Variants in SHC2 observed in about 807,000 individuals in gnomAD.
The protein encoded by SHC2 is SHC adaptor protein 2, also known as SHC-transforming protein 2.
Under a neutral mutation model 60.6 loss-of-function variants are expected in SHC2, and 62 were observed. The observed-to-expected ratio is 1.02, with a 90% confidence interval of 0.83 to 1.26. The LOEUF (loss-of-function observed/expected upper bound fraction) is 1.26. Ranked by LOEUF, SHC2 falls within the 50% of genes most tolerant of loss-of-function variation. The probability of loss-of-function intolerance (pLI) is 0.00; values close to 1 mark genes in which losing one functional copy is unlikely to be tolerated. For synonymous variants in SHC2, 375 were observed against 372.4 expected (o/e 1.01, Z -0.08); for missense variants, 873 against 822.2 (o/e 1.06, Z -0.76).
rs1974306079 is a variant in SHC2, at chr19:422,540, C to T, written c.1310-84G>A. On this transcript the variant is annotated intron_variant, in intron 10 of 12. Coordinates refer to ENST00000264554, the MANE Select transcript of SHC2 (RefSeq NM_012435.3). The surrounding 1 kb of genome is among the most constrained non-coding windows in gnomAD (Gnocchi z 5.0). The stretch of plus-strand genomic sequence containing the variant: ...GACCAGAGCTGGGAGAAACGGGTTC[C>T]CCGGGGAGTCCCTCGTGCACCCGTC... 1.1e-5 allele frequency: 13 copies of T among 1,178,896 alleles called. No homozygotes were observed. Among genetic ancestry groups the T allele is most frequent in the Non-Finnish European group, 1.5e-5 (13 of 854,394 alleles). The allele number at this position is 1,178,896 out of a possible 1,614,324, so 73.0% of individuals were successfully genotyped here.
Position 422,285 on chromosome 19 carries a change from C to G in SHC2, c.1481G>C (p.Arg494Pro). Residue 494 changes from arginine (R) to proline (P), a missense_variant, in exon 11 of 13, where the codon CGC becomes CCC. Coordinates refer to ENST00000264554, the MANE Select transcript of SHC2 (RefSeq NM_012435.3). This position sits in a 1 kb window ranked among gnomAD's most constrained non-coding sequence, Gnocchi z 5.0. ...QEPWYHGRMS[R>P]RAAERMLRAD... Reference sequence around the variant, plus strand: ...TCGAAGCATCCTCTCTGCCGCCCGGCGGCTCATCCGGCCGTGGTACCAGGG... The same window carrying G: ...TCGAAGCATCCTCTCTGCCGCCCGGGGGCTCATCCGGCCGTGGTACCAGGG... 6.2e-7 allele frequency: 1 copy of G among 1,612,210 alleles called. No individual in the cohort carries two copies. Among genetic ancestry groups the G allele is most frequent in the Non-Finnish European group, 8.5e-7 (1 of 1,179,602 alleles).
In SHC2 at chr19:440,121, G is replaced by A. The variant is rs982035956; in HGVS notation, c.539+741C>T. On this transcript the variant is annotated intron_variant, in intron 2 of 12. Transcript: ENST00000264554. This position sits in a 1 kb window ranked among gnomAD's most constrained non-coding sequence, Gnocchi z 7.0. The stretch of plus-strand genomic sequence containing the variant: ...GCTCAGTGAGAGACGCCAGACACAC[G>A]AGGCCACGCAGCGTGTGATCCCATT... Among the ~76,000 whole-genome samples, 4 of 122,222 alleles carry A rather than the reference G, an allele frequency of 3.3e-5. No individual in the cohort carries two copies. Among genetic ancestry groups the A allele is most frequent in the Non-Finnish European group, 6.1e-5 (4 of 65,500 alleles). The allele number at this position is 122,222 out of a possible 152,430, so 80.2% of individuals were successfully genotyped here.
rs201010410 is a variant in SHC2 at position 422,171 on chromosome 19, A to C, written c.1595T>G (p.Leu532Arg). ...CACGCCCTCGGGGTCCACGAGCAGCAGGTGCTTGGGCTGCCCGGCGTGCAT... is the reference window on the plus strand; with the variant it reads ...CACGCCCTCGGGGTCCACGAGCAGCCGGTGCTTGGGCTGCCCGGCGTGCAT... Reference protein sequence around the residue: ...TGMHAGQPKHLLLVDPEGVVR... With the variant: ...TGMHAGQPKHRLLVDPEGVVR... The change falls in exon 11 of 13, where the codon CTG (leucine) becomes CGG (arginine). Residue 532 changes from leucine (L) to arginine (R), a missense_variant. Leu to Arg is a moderately radical substitution (Grantham distance 102). Coordinates refer to ENST00000264554, the MANE Select transcript of SHC2 (RefSeq NM_012435.3). This position sits in a 1 kb window ranked among gnomAD's most constrained non-coding sequence, Gnocchi z 5.0. 1.5e-4 allele frequency: 245 copies of C among 1,611,266 alleles called. No individual in the cohort carries two copies. The highest frequency in any genetic ancestry group is 1.9e-4 in the Non-Finnish European group (226 of 1,178,918).
chr19:460,368 A>AGCCGCCG (rs1029989667), intron 1 of SHC2, among the ~76,000 whole-genome samples, 161 bp downstream of exon 1: 8 of 151,870 alleles, frequency 5.3e-5, no homozygotes, highest in South Asian at 2.1e-4. Context: ...GGGTGGGGGC[A>AGCCGCCG]GCCGCCGGCC....
intron 9 of SHC2, among the ~76,000 whole-genome samples, chr19:429,272 T>C (rs1487786165): frequency 8.6e-5 from 11 of 128,204 alleles, no homozygotes; most frequent in South Asian, 2.7e-4. Context: ...GGAAACCTCA[T>C]ACCGTGTGGA....
rs368534436 is a variant in SHC2, at chr19:436,171, G to A, written c.947C>T (p.Pro316Leu). Residue 316 changes from proline (P) to leucine (L), a missense_variant, in exon 7 of 13, where the codon CCA becomes CTA. Physicochemically the swap from Pro to Leu is moderately conservative, Grantham distance 98. Transcript: ENST00000264554. ...LHSPPKVALP[P>L]ERLAGPEESA... The stretch of plus-strand genomic sequence containing the variant: ...GGGAGGCAGCTCTGGTTACCTTTCT[G>A]GGGGCAGCGCCACCTTGGGCGGGCT... The A allele has an allele frequency of 2.5e-6, 4 of 1,611,016 alleles. No homozygotes were observed. The highest frequency in any genetic ancestry group is 2.5e-6 in the Non-Finnish European group (3 of 1,179,302).
intron 1 of SHC2, among the ~76,000 whole-genome samples, chr19:454,252 A>G (rs1975276598): frequency 6.6e-6 from 1 of 152,194 alleles, no homozygotes; most frequent in Non-Finnish European, 1.5e-5. Context: ...CGGTGCAGAC[A>G]CGGACGGTTC....
rs1446892804 is a variant in SHC2 at position 445,743 on chromosome 19, A to C, written c.469-4811T>G. The stretch of plus-strand genomic sequence containing the variant: ...ACAGAGCACAACCATGTCTTAAAAA[A>C]CACATTTTTGCCGGGCGCGGTGGCT... On this transcript the variant is annotated intron_variant, in intron 1 of 12. Coordinates refer to ENST00000264554, the MANE Select transcript of SHC2 (RefSeq NM_012435.3). This position sits in a 1 kb window ranked among gnomAD's most constrained non-coding sequence, Gnocchi z 4.4. Among the ~76,000 whole-genome samples the C allele has an allele frequency of 6.6e-6, 1 of 151,982 alleles. No homozygotes were observed. The highest frequency in any genetic ancestry group is 1.5e-5 in the Non-Finnish European group (1 of 67,992).
At chr19:458,587 C>T (rs151013133) in intron 1 of SHC2, among the ~76,000 whole-genome samples, 1,223 of 103,638 alleles carry the variant, frequency 0.012, 56 homozygotes, top group South Asian at 0.037. Context: ...AAGCGGGTTC[C>T]GGGGGACGGG....
chr19:437,330 G>A (rs1280118589), intron 4 of SHC2, among the ~76,000 whole-genome samples: 5 of 151,980 alleles, frequency 3.3e-5, no homozygotes, highest in East Asian at 1.9e-4. Context: ...ATGCTCATCT[G>A]CGTGCTTGTT....
intron 9 of SHC2, among the ~76,000 whole-genome samples, chr19:427,868 C>T (rs913943817): frequency 8.1e-6 from 1 of 123,776 alleles, no homozygotes; most frequent in Non-Finnish European, 1.6e-5. Flanking sequence ...GGGAACTGCA[C>T]ACGGCACAGA....
Position 460,966 on chromosome 19 carries a change from G to T in SHC2, c.31C>A (p.Pro11Thr). Residue 11 changes from proline to threonine, a missense_variant, in exon 1 of 13, where the codon CCG becomes ACG. Coordinates refer to ENST00000264554, the MANE Select transcript of SHC2 (RefSeq NM_012435.3). The part of the protein sequence containing the change: MTQGPGGRAP[P>T]APPAPPEPEA... ...GGCTCGGGGGGCGCGGGGGGCGCCG[G>T]GGGCGCGCGCCCGCCCGGACCCTGC... is the stretch of plus-strand genomic sequence containing the variant. 1 of 983,320 alleles carries T rather than the reference G, an allele frequency of 1.0e-6. No homozygotes were observed. The highest frequency in any genetic ancestry group is 4.5e-5 in the South Asian group (1 of 22,018). The allele number at this position is 983,320 out of a possible 1,614,324, so 60.9% of individuals were successfully genotyped here.
chr19:434,642 G>A, intron 8 of SHC2, 67 bp downstream of exon 8: 2 of 1,472,742 alleles, frequency 1.4e-6, no homozygotes, highest in Middle Eastern at 2.1e-4. Flanking sequence ...AGAAGAGCTG[G>A]AGGTAGGTCC....
rs1053318427 is a variant in SHC2 at position 453,597 on chromosome 19, C to T, written c.468+6932G>A. 3.9e-5 allele frequency among the ~76,000 whole-genome samples: 6 copies of T among 152,092 alleles called. No individual in the cohort carries two copies. The highest frequency in any genetic ancestry group is 1.3e-4 in the Admixed American group (2 of 15,276). ...GAACCCAGATCTTTAGGGATGCTGT[C>T]GAGCCATGGGATTCATCCACCGTGT... On this transcript the variant is annotated intron_variant, in intron 1 of 12. Transcript: ENST00000264554. This position sits in a 1 kb window ranked among gnomAD's most constrained non-coding sequence, Gnocchi z 6.3.
At position 422,414 on chromosome 19, in the gene SHC2, G is replaced by T; in HGVS notation, c.1352C>A (p.Ala451Glu). The T allele has an allele frequency of 1.3e-6, 2 of 1,591,032 alleles. No homozygotes were observed. Among genetic ancestry groups the T allele is most frequent in the Non-Finnish European group, 1.7e-6 (2 of 1,168,726 alleles). ...DALKLHECSV[A>E]AGVTAAPLPL... The stretch of plus-strand genomic sequence containing the variant: ...AAGAGGGGCTGCTGTCACGCCTGCC[G>T]CCACTGAGCACTCATGCAACTTCAG... The change falls in exon 11 of 13, where the codon GCG becomes GAG. Residue 451 changes from alanine to glutamate, a missense_variant. By Grantham distance (107) the Ala-to-Glu change is moderately radical. Coordinates refer to ENST00000264554, the MANE Select transcript of SHC2 (RefSeq NM_012435.3). This position sits in a 1 kb window ranked among gnomAD's most constrained non-coding sequence, Gnocchi z 5.0.
chr19:454,669 A>G (rs1600326545), intron 1 of SHC2, among the ~76,000 whole-genome samples: 1 of 152,186 alleles, frequency 6.6e-6, no homozygotes, highest in Non-Finnish European at 1.5e-5. Flanking sequence ...GGGCGCCTGT[A>G]GTCCCAGCTA....
Position 441,935 on chromosome 19 carries a change from A to G in SHC2, c.469-1003T>C, listed in dbSNP as rs867295208. On this transcript the variant is annotated intron_variant, in intron 1 of 12. Coordinates refer to ENST00000264554, the MANE Select transcript of SHC2 (RefSeq NM_012435.3). This position sits in a 1 kb window ranked among gnomAD's most constrained non-coding sequence, Gnocchi z 4.9. ...GCCTGAGGGCTTCTGAGGTGTGTAC[A>G]GGTCACTGTGTGGGCCGGCCCAGGC... Among the ~76,000 whole-genome samples, 8 of 152,356 alleles carry G rather than the reference A, an allele frequency of 5.3e-5. No homozygotes were observed. The highest frequency in any genetic ancestry group is 6.8e-3 in the Middle Eastern group (2 of 294).
Position 439,445 on chromosome 19 carries a change from C to T in SHC2, c.540-415G>A, listed in dbSNP as rs563820469. 3.4e-4 allele frequency: 76 copies of T among 224,800 alleles called. No homozygotes were observed. In the South Asian group the frequency reaches 4.7e-3, roughly 14 times the overall value. The allele number at this position is 224,800 out of a possible 1,614,324, so 13.9% of individuals were successfully genotyped here. A position where few individuals can be genotyped will look rare whatever the true frequency, so the allele number is the denominator to read the frequency against. On this transcript the variant is annotated intron_variant, in intron 2 of 12. Transcript: ENST00000264554. Reference sequence around the variant, plus strand: ...CGAGCAGGAGGCCCTGAGCCTGACGCGGGGTCCGTGTCGAGATCCTGTCTG... The same window carrying T: ...CGAGCAGGAGGCCCTGAGCCTGACGTGGGGTCCGTGTCGAGATCCTGTCTG...
At position 439,025 on chromosome 19, in the gene SHC2, G is replaced by A. The variant is rs1974789406; in HGVS notation, c.545C>T (p.Ala182Val). The change falls in exon 3 of 13, where the codon GCC becomes GTC. Residue 182 changes from alanine (A) to valine (V), a missense_variant. Coordinates refer to ENST00000264554, the MANE Select transcript of SHC2 (RefSeq NM_012435.3). The part of the protein sequence containing the change: ...FNTRTQVTRE[A>V]INRLHEAVPG... ...CACGGCCTCATGGAGCCGGTTGATG[G>A]CTTCCCTGGGGTTGGGAGGAGGGGG... 2 of 1,587,486 alleles carry A rather than the reference G, an allele frequency of 1.3e-6. No homozygotes were observed. The highest frequency in any genetic ancestry group is 8.6e-7 in the Non-Finnish European group (1 of 1,167,756).
Sources: gnomAD v4.1 joint callset for allele counts (sites outside exome capture counted in the v4.1 genomes callset) on GRCh38, gnomAD v4.1.1 for gene constraint, Gnocchi (gnomAD v3.1) non-coding constraint, MANE v1.5 for transcripts, NCBI Gene and HGNC (gene_info 2026-07-23, HGNC 2026-07-21) for gene names.